The following TMEM132B variants were observed in gnomAD, a reference collection of about 807,000 sequenced individuals.
TMEM132B encodes the protein transmembrane protein 132B.
TMEM132B carries 18 observed loss-of-function variants against 90.8 expected under a neutral mutation model. The observed-to-expected ratio is 0.20, with a 90% CI of 0.14 to 0.29. The LOEUF is 0.29. Ranked by LOEUF, TMEM132B falls within the 10% of genes least tolerant of loss-of-function variation. TMEM132B has a pLI of 1.00. For missense variants in TMEM132B, 1,096 were observed against 1,326.8 expected, an observed-to-expected ratio of 0.83 and a Z score of 2.70; for synonymous variants, 504 against 523.3, an observed-to-expected ratio of 0.96 and a Z score of 0.50.
chr12:125,493,797 G>A (rs1432769297), intron 3 of TMEM132B, among the ~76,000 whole-genome samples: 1 of 151,820 alleles, frequency 6.6e-6, no homozygotes, highest in African/African-American at 2.4e-5. Context: ...CCCTGGGAAT[G>A]GCCGTGTCCC....
chr12:125,369,813 G>C (rs1369183464), intron 2 of TMEM132B, among the ~76,000 whole-genome samples: 2 of 152,188 alleles, frequency 1.3e-5, no homozygotes, highest in African/African-American at 4.8e-5. Context: ...ACTTTGGAAG[G>C]CGGAGGTGGC....
At chr12:125,570,459 C>T (rs1884763813) in intron 4 of TMEM132B, among the ~76,000 whole-genome samples, 1 of 152,228 alleles carries the variant, frequency 6.6e-6, no homozygotes, top group African/African-American at 2.4e-5. Context: ...ACAGCCTTTG[C>T]TTCTTCCATC....
At chr12:125,301,366 G>C (rs1159802384) in intron 1 of TMEM132B, 2 of 152,228 alleles carry the variant, frequency 1.3e-5, no homozygotes, top group African/African-American at 4.8e-5. Context: ...AGCAGGGCTC[G>C]TGCCTTGCTT....
chr12:125,403,035 C>T (rs1879362570), intron 2 of TMEM132B, among the ~76,000 whole-genome samples: 1 of 152,110 alleles, frequency 6.6e-6, no homozygotes, highest in South Asian at 2.1e-4. Context: ...TAAACATAGC[C>T]CAAATAAACA....
At chr12:125,283,913 C>T (rs547093510) in intron 1 of TMEM132B, among the ~76,000 whole-genome samples, 7 of 152,280 alleles carry the variant, frequency 4.6e-5, no homozygotes, top group East Asian at 3.9e-4. Flanking sequence ...ATAAAGGAAT[C>T]GAGGTCCAGG....
intron 1 of TMEM132B, among the ~76,000 whole-genome samples, chr12:125,250,153 C>T (rs1414516212): frequency 2.0e-5 from 3 of 152,212 alleles, no homozygotes; most frequent in Admixed American, 6.5e-5. Context: ...AGCAGCTGGG[C>T]AAAAAGGCCC....
chr12:125,208,526 A>G (rs531694668), intron 1 of TMEM132B, among the ~76,000 whole-genome samples: 3 of 152,286 alleles, frequency 2.0e-5, no homozygotes, highest in African/African-American at 7.2e-5. Flanking sequence ...GACACTTCAT[A>G]TACATGGTAT....
chr12:125,292,777 C>T (rs74816985), intron 1 of TMEM132B, among the ~76,000 whole-genome samples: 3 of 152,278 alleles, frequency 2.0e-5, no homozygotes, highest in Non-Finnish European at 2.9e-5. Flanking sequence ...CTTTCTCAGT[C>T]GGTTCAGCAG....
intron 1 of TMEM132B, among the ~76,000 whole-genome samples, chr12:125,347,155 G>A (rs944208007): frequency 3.3e-5 from 5 of 152,172 alleles, no homozygotes; most frequent in Admixed American, 2.0e-4. Flanking sequence ...AATGTTAGCC[G>A]TGTCCTCCAG....
At chr12:125,484,649 GT>G (rs953402286) in intron 3 of TMEM132B, among the ~76,000 whole-genome samples, 194 of 152,132 alleles carry the variant, frequency 1.3e-3, no homozygotes, top group African/African-American at 4.3e-3. Flanking sequence ...TATTATTATT[GT>G]GACAGGGTCT....
At chr12:125,575,048 A>G (rs1468537396) in intron 4 of TMEM132B, among the ~76,000 whole-genome samples, 1 of 119,868 alleles carries the variant, frequency 8.3e-6, no homozygotes, top group African/African-American at 3.1e-5. Flanking sequence ...TCCCAAACCT[A>G]TTAGCTGTCA....
chr12:125,502,748 T>G (rs771191566), intron 3 of TMEM132B, among the ~76,000 whole-genome samples: 107 of 152,224 alleles, frequency 7.0e-4, no homozygotes, highest in Non-Finnish European at 1.3e-4. Flanking sequence ...ATCCCAGTGC[T>G]GAGAACAGAG....
intron 3 of TMEM132B, among the ~76,000 whole-genome samples, chr12:125,449,483 T>C (rs1206945576): frequency 1.3e-5 from 2 of 152,240 alleles, no homozygotes; most frequent in African/African-American, 4.8e-5. Context: ...TCTTGACTAG[T>C]CTGGCTGGAG....
intron 2 of TMEM132B, among the ~76,000 whole-genome samples, chr12:125,351,090 T>C (rs1877560542): frequency 6.6e-6 from 1 of 152,108 alleles, no homozygotes; most frequent in Admixed American, 6.5e-5. Context: ...ATTCAAAACA[T>C]TAAATAGAGA....
At chr12:125,500,296 G>A (rs1044004751) in intron 3 of TMEM132B, among the ~76,000 whole-genome samples, 1 of 152,232 alleles carries the variant, frequency 6.6e-6, no homozygotes, top group African/African-American at 2.4e-5. Flanking sequence ...TGGCATTTCA[G>A]GCTGGGGGAA....
chr12:125,397,616 G>T (rs1029631474), intron 2 of TMEM132B, among the ~76,000 whole-genome samples: 1 of 152,192 alleles, frequency 6.6e-6, no homozygotes, highest in African/African-American at 2.4e-5. Context: ...TGTATTTAAT[G>T]ATTTTGCTGT....
intron 2 of TMEM132B, among the ~76,000 whole-genome samples, chr12:125,409,418 A>G (rs1457920024): frequency 6.6e-6 from 1 of 152,194 alleles, no homozygotes; most frequent in Non-Finnish European, 1.5e-5. Context: ...GTGAGGAGGC[A>G]TCCGGCGGCA....
chr12:125,463,374 G>GC (rs139058732), intron 3 of TMEM132B, among the ~76,000 whole-genome samples: 3,635 of 152,252 alleles, frequency 0.024, 62 homozygotes, highest in Non-Finnish European at 0.037. Flanking sequence ...AGTGTGATGT[G>GC]CATTTCAGAG....
chr12:125,398,384 T>C (rs1879223382), intron 2 of TMEM132B, among the ~76,000 whole-genome samples: 1 of 152,336 alleles, frequency 6.6e-6, no homozygotes, highest in Admixed American at 6.5e-5. Flanking sequence ...AGAAGACCGA[T>C]GTGAGAAAAC....
Sources: allele counts gnomAD v4.1 joint callset (sites outside exome capture counted in the v4.1 genomes callset), GRCh38; gene constraint gnomAD v4.1.1; transcripts MANE v1.5; gene names NCBI Gene and HGNC (gene_info 2026-07-23, HGNC 2026-07-21).